Variants in ANO2 observed in about 807,000 individuals in gnomAD.
ANO2 encodes anoctamin 2.
A neutral mutation model predicts 124.2 loss-of-function variants in ANO2; 101 were observed. The ratio of observed to expected loss-of-function variants is 0.81; its 90% CI spans 0.69 to 0.96. ANO2 has a LOEUF of 0.96. ANO2 is among the 40% of genes least tolerant of loss of function. ANO2 has a pLI of 0.00. For synonymous variants in ANO2, 486 were observed against 482.5 expected (o/e 1.01, Z -0.09); for missense variants, 1,293 against 1,274.5 (o/e 1.01, Z -0.22).
intron 23 of ANO2, among the ~76,000 whole-genome samples, chr12:5,567,399 C>T (rs537113745): frequency 2.0e-5 from 3 of 152,282 alleles, no homozygotes; most frequent in African/African-American, 4.8e-5. Context: ...CCTATCCTCC[C>T]GTCGCCCCCA....
At chr12:5,563,618 G>T in intron 24 of ANO2, 50 bp from the exon 25 acceptor site, 1 of 1,601,248 alleles carries the variant, frequency 6.2e-7, no homozygotes. Flanking sequence ...CCCGGCCTGG[G>T]GAGGTGGCGG....
intron 3 of ANO2, among the ~76,000 whole-genome samples, chr12:5,913,929 T>C (rs1368330044): frequency 1.3e-5 from 2 of 152,128 alleles, no homozygotes; most frequent in South Asian, 2.1e-4. Context: ...TGAGAAACAG[T>C]GGCAGCTGGT....
At chr12:5,888,467 G>A (rs1939132341) in intron 3 of ANO2, among the ~76,000 whole-genome samples, 1 of 152,178 alleles carries the variant, frequency 6.6e-6, no homozygotes, top group African/African-American at 2.4e-5. Flanking sequence ...CCCACATCCT[G>A]CTGATTGGTC....
chr12:5,603,944 C>CAAAAAAAAAAAAAAA (rs63415160), intron 19 of ANO2, among the ~76,000 whole-genome samples: 2 of 74,134 alleles, frequency 2.7e-5, no homozygotes, highest in African/African-American at 1.2e-4. Context: ...GATTCCGTCT[C>CAAAAAAAAAAAAAAA]AAAAAAAAAA....
At chr12:5,782,222 C>A (rs1319736397) in intron 10 of ANO2, among the ~76,000 whole-genome samples, 1 of 152,040 alleles carries the variant, frequency 6.6e-6, no homozygotes, top group East Asian at 1.9e-4. Flanking sequence ...TATTCTTTTC[C>A]CAGACCCTAC....
At chr12:5,650,001 G>A (rs1946839106) in intron 14 of ANO2, among the ~76,000 whole-genome samples, 1 of 152,172 alleles carries the variant, frequency 6.6e-6, no homozygotes, top group African/African-American at 2.4e-5. Context: ...AAGGAAAACT[G>A]AGGATGGGCT....
chr12:5,759,655 G>A (rs549890794), intron 10 of ANO2, among the ~76,000 whole-genome samples: 1 of 150,226 alleles, frequency 6.7e-6, no homozygotes, highest in Admixed American at 6.7e-5. Flanking sequence ...CTGATGATCT[G>A]AGGTAGAACA....
chr12:5,714,090 A>G (rs1016398726), intron 14 of ANO2, among the ~76,000 whole-genome samples: 1 of 152,126 alleles, frequency 6.6e-6, no homozygotes, highest in Non-Finnish European at 1.5e-5. Context: ...TACACTGCCA[A>G]TTGTCTAAAG....
chr12:5,671,872 T>C (rs1190149044), intron 14 of ANO2, among the ~76,000 whole-genome samples: 1 of 152,202 alleles, frequency 6.6e-6, no homozygotes, highest in African/African-American at 2.4e-5. Context: ...ATGTGTTAAC[T>C]TTTCCTTGAG....
At chr12:5,864,709 ACAGTCTCTGTTTATTCCCCTTGCCT>A (rs1330941068) in intron 3 of ANO2, among the ~76,000 whole-genome samples, 1 of 152,168 alleles carries the variant, frequency 6.6e-6, no homozygotes, top group Non-Finnish European at 1.5e-5. Flanking sequence ...CTGGCCTGGA[ACAGTCTCTGTTTATTCCCCTTGCCT>A]CATCATCCCA....
At chr12:5,772,941 T>C (rs1221833312) in intron 10 of ANO2, among the ~76,000 whole-genome samples, 1 of 152,236 alleles carries the variant, frequency 6.6e-6, no homozygotes, top group African/African-American at 2.4e-5. Context: ...GCTGCCTTGC[T>C]CCACCTGGCC....
chr12:5,791,486 T>C (rs1442778483), intron 10 of ANO2, among the ~76,000 whole-genome samples: 2 of 152,104 alleles, frequency 1.3e-5, no homozygotes, highest in Non-Finnish European at 2.9e-5. Flanking sequence ...GACCACACCA[T>C]GGTTTTCCCT....
intron 15 of ANO2, among the ~76,000 whole-genome samples, chr12:5,640,408 C>T (rs987570029): frequency 2.0e-5 from 3 of 152,164 alleles, no homozygotes; most frequent in Non-Finnish European, 4.4e-5. Flanking sequence ...ATGCTAAGTC[C>T]TTTTTCTTTA....
chr12:5,888,140 T>A (rs1054721113), intron 3 of ANO2, among the ~76,000 whole-genome samples: 1 of 152,058 alleles, frequency 6.6e-6, no homozygotes, highest in African/African-American at 2.4e-5. Context: ...TTCTTCCTCC[T>A]GGTGGGTTTG....
chr12:5,881,439 C>G (rs927565891), intron 3 of ANO2, among the ~76,000 whole-genome samples: 1 of 152,208 alleles, frequency 6.6e-6, no homozygotes, highest in African/African-American at 2.4e-5. Flanking sequence ...CTGTGAAATG[C>G]ATCAGATCAA....
At chr12:5,594,970 T>A (rs986446361) in intron 20 of ANO2, among the ~76,000 whole-genome samples, 5 of 149,722 alleles carry the variant, frequency 3.3e-5, no homozygotes, top group African/African-American at 9.9e-5. Context: ...TCAGAAGAGA[T>A]CTTGGGATTA....
chr12:5,733,981 G>C (rs1023432199), intron 13 of ANO2, among the ~76,000 whole-genome samples: 2 of 152,198 alleles, frequency 1.3e-5, no homozygotes, highest in African/African-American at 4.8e-5. Flanking sequence ...GTTTTGCACA[G>C]TACTTGGCAC....
intron 3 of ANO2, among the ~76,000 whole-genome samples, chr12:5,918,140 C>T (rs1941487982): frequency 6.6e-6 from 1 of 152,148 alleles, no homozygotes; most frequent in East Asian, 1.9e-4. Flanking sequence ...TTGGAGAGAC[C>T]ATCTCAGCAG....
intron 3 of ANO2, among the ~76,000 whole-genome samples, chr12:5,878,875 G>C (rs1938291791): frequency 6.6e-6 from 1 of 152,232 alleles, no homozygotes; most frequent in African/African-American, 2.4e-5. Flanking sequence ...TTTTCCATAG[G>C]AGATGGAGCA....
Sources: allele counts gnomAD v4.1 joint callset (sites outside exome capture counted in the v4.1 genomes callset), GRCh38; gene constraint gnomAD v4.1.1; transcripts MANE v1.5; gene names NCBI Gene and HGNC (gene_info 2026-07-23, HGNC 2026-07-21).